AKAP6: variants seen among roughly 807,000 people sequenced by gnomAD.
The protein encoded by AKAP6 is A-kinase anchoring protein 6.
AKAP6 carries 58 observed loss-of-function variants against 188.5 expected under a neutral mutation model. The ratio of observed to expected loss-of-function variants is 0.31; its 90% CI spans 0.25 to 0.38. AKAP6 has a LOEUF of 0.38. Among genes scored for constraint, AKAP6 ranks in the 10% least tolerant of loss-of-function variants. The probability of loss-of-function intolerance (pLI) is 1.00; values close to 1 mark genes in which losing one functional copy is unlikely to be tolerated. For synonymous variants in AKAP6, 989 were observed against 998.6 expected, an observed-to-expected ratio of 0.99 and a Z score of 0.18; for missense variants, 2,710 against 2,740.0, an observed-to-expected ratio of 0.99 and a Z score of 0.24.
chr14:32,482,056 CTG>C (rs1879379560), intron 2 of AKAP6, among the ~76,000 whole-genome samples: 1 of 152,116 alleles, frequency 6.6e-6, no homozygotes, highest in Non-Finnish European at 1.5e-5. Context: ...TTAGTTGAGA[CTG>C]TATTATAGCA....
intron 8 of AKAP6, chr14:32,693,300 C>T (rs1453087763): frequency 6.6e-6 from 1 of 152,190 alleles, no homozygotes; most frequent in Non-Finnish European, 1.5e-5. Flanking sequence ...TGCCAACTCT[C>T]TGTGGTCTGG....
chr14:32,596,115 G>C (rs1024521314), intron 5 of AKAP6, among the ~76,000 whole-genome samples: 3 of 152,126 alleles, frequency 2.0e-5, no homozygotes, highest in African/African-American at 7.2e-5. Context: ...GAAAGTCTGT[G>C]TTCGTGATTT....
chr14:32,827,668 A>G (rs1398716059), intron 13 of AKAP6, among the ~76,000 whole-genome samples: 1 of 152,204 alleles, frequency 6.6e-6, no homozygotes, highest in Non-Finnish European at 1.5e-5. Flanking sequence ...AGGAAAGGTA[A>G]CTGGATAGAT....
chr14:32,577,105 C>T lies in AKAP6; in HGVS notation c.2347-15C>T, dbSNP rs1409952005. ...TTCTTGCCCCTTTTTTTCCCCTTTTCTTTCCTTTCACAAGGGGTTTGTAAA... is the reference window on the plus strand; with the variant it reads ...TTCTTGCCCCTTTTTTTCCCCTTTTTTTTCCTTTCACAAGGGGTTTGTAAA... On this transcript the variant is annotated splice_polypyrimidine_tract_variant and intron_variant, in intron 4 of 13. Transcript: ENST00000280979. 17 of 1,591,822 alleles carry T rather than the reference C, an allele frequency of 1.1e-5. No individual in the cohort carries two copies. The Admixed American group carries it at 1.7e-4, about 16-fold the overall frequency.
chr14:32,557,863 A>AT (rs368473962), intron 4 of AKAP6, among the ~76,000 whole-genome samples: 48 of 147,554 alleles, frequency 3.3e-4, no homozygotes, highest in South Asian at 6.5e-4. Context: ...TCTGTCACCC[A>AT]TTTTTTTTTA....
chr14:32,407,938 T>C (rs1889351626), intron 1 of AKAP6, among the ~76,000 whole-genome samples: 2 of 152,190 alleles, frequency 1.3e-5, no homozygotes, highest in Admixed American at 1.3e-4. Flanking sequence ...AGCAAAGAGT[T>C]TCCTTGCTGA....
In AKAP6 at chr14:32,540,634, C is replaced by A. The variant is rs984916365; in HGVS notation, c.577-4596C>A. On this transcript the variant is annotated intron_variant, in intron 3 of 13. Transcript: ENST00000280979. ...AGGGCAGTAAAACCAACAGGCAACA[C>A]CCCTAACTCCATATCTTCCTGAGAC... Among the ~76,000 whole-genome samples, 19 of 152,256 alleles carry A rather than the reference C, an allele frequency of 1.2e-4. 1 individual carries two copies. The South Asian group carries it at 1.5e-3, about 12-fold the overall frequency.
chr14:32,423,376 T>C (rs978854355), intron 1 of AKAP6, among the ~76,000 whole-genome samples: 2 of 151,984 alleles, frequency 1.3e-5, no homozygotes, highest in Non-Finnish European at 2.9e-5. Flanking sequence ...GATGGGGTTT[T>C]ATTATGTTTT....
intron 1 of AKAP6, among the ~76,000 whole-genome samples, chr14:32,388,076 G>C (rs553726169): frequency 6.6e-6 from 1 of 151,898 alleles, no homozygotes; most frequent in African/African-American, 2.4e-5. Context: ...AAGCTAGGAG[G>C]GTTGTAGCTT....
At position 32,758,508 on chromosome 14, in the gene AKAP6, C is replaced by A. The variant is rs146862019; in HGVS notation, c.3373-15170C>A. Among the ~76,000 whole-genome samples the A allele has an allele frequency of 1.2e-3, 177 of 152,266 alleles. 4 individuals are homozygous for A. In the East Asian group the frequency reaches 0.033, roughly 28 times the overall value. ...CAGCACTTTGGGAGGCCGAGGCGGG[C>A]AGATCACCTGAGGTCAGGAGTTTGA... On this transcript the variant is annotated intron_variant, in intron 11 of 13. Transcript: ENST00000280979.
chr14:32,457,002 C>T (rs957065690), intron 2 of AKAP6, among the ~76,000 whole-genome samples: 1 of 152,076 alleles, frequency 6.6e-6, no homozygotes, highest in African/African-American at 2.4e-5. Flanking sequence ...ACTTCATAGA[C>T]AGACTTTTTT....
At chr14:32,663,455 T>C (rs150595990) in intron 7 of AKAP6, among the ~76,000 whole-genome samples, 1,534 of 152,106 alleles carry the variant, frequency 0.01, 20 homozygotes, top group African/African-American at 0.032. Flanking sequence ...GAGCCTAAAA[T>C]CTAATAGGAC....
intron 1 of AKAP6, among the ~76,000 whole-genome samples, chr14:32,367,121 A>T (rs2138507371): frequency 6.6e-6 from 1 of 152,292 alleles, no homozygotes; most frequent in African/African-American, 2.4e-5. Flanking sequence ...ACTCCCCTGG[A>T]CTGGCTCCCA....
chr14:32,661,832 G>C (rs1365676851), intron 7 of AKAP6, among the ~76,000 whole-genome samples: 1 of 152,130 alleles, frequency 6.6e-6, no homozygotes. Flanking sequence ...GCTAAATGGG[G>C]ATAATGACAC....
intron 7 of AKAP6, among the ~76,000 whole-genome samples, chr14:32,660,261 T>C (rs1014813322): frequency 6.6e-6 from 1 of 152,108 alleles, no homozygotes; most frequent in Non-Finnish European, 1.5e-5. Flanking sequence ...TATCAGACTT[T>C]CCAGGATGAG....
intron 1 of AKAP6, among the ~76,000 whole-genome samples, chr14:32,333,894 C>G (rs1218214120): frequency 6.6e-6 from 1 of 152,066 alleles, no homozygotes; most frequent in African/African-American, 2.4e-5. Context: ...CCAGAGAGCC[C>G]TCTAAATTGA....
intron 12 of AKAP6, among the ~76,000 whole-genome samples, chr14:32,783,992 C>A (rs1410091441): frequency 1.3e-5 from 2 of 152,098 alleles, no homozygotes; most frequent in Non-Finnish European, 2.9e-5. Context: ...TTAGGTGATT[C>A]TATTTTCAAT....
chr14:32,451,132 GC>G (rs1262889659), intron 2 of AKAP6, among the ~76,000 whole-genome samples: 1 of 152,112 alleles, frequency 6.6e-6, no homozygotes. Flanking sequence ...AGTCAGATTA[GC>G]CTTTAGCTAG....
intron 2 of AKAP6, among the ~76,000 whole-genome samples, chr14:32,482,983 GTGTGTGTA>G (rs143964297): frequency 9.4e-6 from 1 of 106,658 alleles, no homozygotes; most frequent in Non-Finnish European, 2.0e-5. Flanking sequence ...CTGTGTGTGT[GTGTGTGTA>G]TATATATATA....
Sources: allele counts gnomAD v4.1 joint callset (sites outside exome capture counted in the v4.1 genomes callset), GRCh38; gene constraint gnomAD v4.1.1; transcripts MANE v1.5; gene names NCBI Gene and HGNC (gene_info 2026-07-23, HGNC 2026-07-21).